Variants in ERICH3 observed in about 807,000 individuals in gnomAD.
ERICH3 encodes glutamate-rich protein 3.
A neutral mutation model predicts 131.1 loss-of-function variants in ERICH3; 126 were observed. The observed-to-expected ratio is 0.96, with a 90% CI of 0.83 to 1.11. The LOEUF is 1.11. Among genes scored for constraint, ERICH3 ranks in the 50% most tolerant of loss-of-function variants. ERICH3 has a pLI of 0.00. For synonymous variants in ERICH3, 695 were observed against 644.6 expected, an observed-to-expected ratio of 1.08 and a Z score of -1.18; for missense variants, 2,050 against 1,810.7, an observed-to-expected ratio of 1.13 and a Z score of -2.40.
intron 7 of ERICH3, chr1:74,623,086 T>G (rs1649284633): frequency 6.6e-6 from 1 of 152,182 alleles, no homozygotes; most frequent in Admixed American, 6.5e-5. Context: ...CAAATGAAAC[T>G]TTAATAAGGT....
rs745395046 is a variant in ERICH3, at chr1:74,572,937, C to A, written c.2773G>T (p.Ala925Ser). Residue 925 changes from alanine to serine, a missense_variant, in exon 14 of 15, where the codon GCA (alanine) becomes TCA (serine). Coordinates refer to ENST00000326665, the MANE Select transcript of ERICH3 (RefSeq NM_001002912.5). ...HLHEVAALRE[A>S]ATSEEGEAEG... is the part of the protein sequence containing the mutation. ...GCCTCTCCCTCCTCCGATGTCGCTG[C>A]CTCTCTCAGGGCTGCTACTTCATGA... 1 of 1,614,110 alleles carries A rather than the reference C, an allele frequency of 6.2e-7. No homozygotes were observed. The highest frequency in any genetic ancestry group is 2.2e-5 in the East Asian group (1 of 44,864).
Position 74,571,942 on chromosome 1 carries a change from C to T in ERICH3, c.3768G>A (p.Gly1256=), listed in dbSNP as rs1202444501. Residue 1256 remains glycine, a synonymous_variant, in exon 14 of 15, where the codon GGG becomes GGA. Coordinates refer to ENST00000326665, the MANE Select transcript of ERICH3 (RefSeq NM_001002912.5). The part of the protein sequence containing the change: ...KDHDSCAGLE[G]RAEGQGGVDV... ...CCACTCCTCCTTGCCCTTCAGCTCT[C>T]CCCTCCAGTCCTGCGCAGGAGTCGT... 1.2e-6 allele frequency: 2 copies of T among 1,613,618 alleles called. No homozygotes were observed. Among genetic ancestry groups the T allele is most frequent in the South Asian group, 1.1e-5 (1 of 91,082 alleles).
At chr1:74,597,240 G>A (rs1186971761) in intron 11 of ERICH3, among the ~76,000 whole-genome samples, 1 of 151,934 alleles carries the variant, frequency 6.6e-6, no homozygotes, top group Non-Finnish European at 1.5e-5. Flanking sequence ...TAAAAGACAT[G>A]TTTATGCCTT....
In ERICH3 at chr1:74,606,008, C is replaced by CTG. The variant is rs879717470; in HGVS notation, c.1489+591_1489+592dup. On this transcript the variant is annotated intron_variant, in intron 10 of 14. Transcript: ENST00000326665. ...TGTATATATATGAATGCGCGTGTGTCTGTGTGTGTGTGTGGGTGGGTGGGT... is the reference window on the plus strand; with the variant it reads ...TGTATATATATGAATGCGCGTGTGTCTGTGTGTGTGTGTGTGGGTGGGTGGGT... Among the ~76,000 whole-genome samples, 589 of 102,536 alleles carry CTG rather than the reference C, an allele frequency of 5.7e-3. 3 individuals are homozygous for CTG. The highest frequency in any genetic ancestry group is 0.021 in the Middle Eastern group (2 of 96). 67.3% of individuals were successfully genotyped at this position (102,536 alleles called of 152,430 possible).
At chr1:74,599,020 A>C (rs1647992834) in intron 11 of ERICH3, among the ~76,000 whole-genome samples, 1 of 151,976 alleles carries the variant, frequency 6.6e-6, no homozygotes, top group Non-Finnish European at 1.5e-5. Flanking sequence ...ATATGTGCAC[A>C]GTTAAACTGA....
Position 74,612,672 on chromosome 1 carries a change from G to A in ERICH3, c.1138C>T (p.Arg380Ter), listed in dbSNP as rs201144070. 3.4e-5 allele frequency: 54 copies of A among 1,591,620 alleles called. No individual in the cohort carries two copies. The highest frequency in any genetic ancestry group is 4.1e-5 in the Non-Finnish European group (48 of 1,163,338). Residue 380 changes from arginine to a stop codon, truncating the protein, a stop_gained, in exon 9 of 15, where the codon CGA becomes TGA. Coordinates refer to ENST00000326665, the MANE Select transcript of ERICH3 (RefSeq NM_001002912.5). LOFTEE classifies it high-confidence loss of function. ...ACACACACAAACCCAAAGTAGCCTC[G>A]TTTGCCTCCAAGCCTGGAACCTTTC... ...HRKGSRLGGKRGYFGFVCVER... is the reference protein window; with the variant it reads ...HRKGSRLGGK
At chr1:74,589,539 G>T in intron 12 of ERICH3, 92 bp downstream of exon 12, 1 of 1,190,334 alleles carries the variant, frequency 8.4e-7, no homozygotes, top group Non-Finnish European at 1.2e-6. Context: ...CATTGTCACA[G>T]TAGTATTTCC....
chr1:74,620,155 A>T (rs1649152096), intron 8 of ERICH3, among the ~76,000 whole-genome samples: 1 of 152,228 alleles, frequency 6.6e-6, no homozygotes, highest in South Asian at 2.1e-4. Flanking sequence ...AATATTGAAG[A>T]AAAACATTAC....
chr1:74,603,731 C>T (rs953255399), intron 10 of ERICH3, among the ~76,000 whole-genome samples: 1 of 151,866 alleles, frequency 6.6e-6, no homozygotes, highest in African/African-American at 2.4e-5. Flanking sequence ...GTTGAATATA[C>T]AATAGCATTA....
intron 5 of ERICH3, among the ~76,000 whole-genome samples, chr1:74,639,912 A>G (rs891073314): frequency 1.3e-5 from 2 of 152,020 alleles, no homozygotes; most frequent in African/African-American, 4.8e-5. Flanking sequence ...TGGAAAAAAA[A>G]GGGAGGGGGA....
At chr1:74,652,944 C>G (rs1025415363) in intron 1 of ERICH3, among the ~76,000 whole-genome samples, 2 of 152,154 alleles carry the variant, frequency 1.3e-5, no homozygotes, top group Non-Finnish European at 2.9e-5. Context: ...AACAGAGCAA[C>G]CTTGTCTCCA....
chr1:74,656,867 C>T (rs548853924), intron 1 of ERICH3, among the ~76,000 whole-genome samples: 62 of 152,222 alleles, frequency 4.1e-4, no homozygotes, highest in African/African-American at 1.5e-3. Context: ...CACCTTCCAC[C>T]AGAATTTCTT....
intron 10 of ERICH3, among the ~76,000 whole-genome samples, chr1:74,600,723 C>G (rs1002618043): frequency 2.6e-5 from 4 of 151,776 alleles, no homozygotes; most frequent in Non-Finnish European, 5.9e-5. Flanking sequence ...AACTGTTCCC[C>G]TTTTTCTTCC....
chr1:74,632,813 T>C (rs1413174188), intron 6 of ERICH3, among the ~76,000 whole-genome samples: 1 of 151,950 alleles, frequency 6.6e-6, no homozygotes, highest in Non-Finnish European at 1.5e-5. Flanking sequence ...AAAACTTGAA[T>C]GTGTGGCTAC....
chr1:74,625,389 A>G (rs1206133937), intron 7 of ERICH3: 1 of 152,024 alleles, frequency 6.6e-6, no homozygotes. Context: ...AATTTTGCTT[A>G]TTCCTTTTTC....
chr1:74,652,226 T>C (rs962857193), intron 1 of ERICH3, among the ~76,000 whole-genome samples: 3 of 152,178 alleles, frequency 2.0e-5, no homozygotes, highest in African/African-American at 7.2e-5. Context: ...AAGTAAATTA[T>C]ATACAGATTT....
At chr1:74,650,170 T>C (rs1646520481) in intron 1 of ERICH3, among the ~76,000 whole-genome samples, 1 of 152,162 alleles carries the variant, frequency 6.6e-6, no homozygotes, top group Non-Finnish European at 1.5e-5. Flanking sequence ...TTAACCTCCT[T>C]ATATATATCT....
intron 7 of ERICH3, among the ~76,000 whole-genome samples, chr1:74,627,360 C>T (rs141164567): frequency 6.6e-6 from 1 of 151,678 alleles, no homozygotes; most frequent in African/African-American, 2.4e-5. Context: ...AAACAGAATG[C>T]CATGGAAGGC....
intron 1 of ERICH3, among the ~76,000 whole-genome samples, chr1:74,660,938 C>T (rs1034857421): frequency 2.7e-5 from 4 of 150,688 alleles, no homozygotes; most frequent in South Asian, 2.1e-4. Flanking sequence ...TTTTAATGTA[C>T]GATGGGAAAA....
Sources: allele counts gnomAD v4.1 joint callset (sites outside exome capture counted in the v4.1 genomes callset), GRCh38; gene constraint gnomAD v4.1.1; transcripts MANE v1.5; gene names NCBI Gene and HGNC (gene_info 2026-07-23, HGNC 2026-07-21).